Variants in SFMBT1 observed in about 807,000 individuals in gnomAD.
The protein encoded by SFMBT1 is scm-like with four MBT domains protein 1.
In SFMBT1, 32 loss-of-function variants were observed where a neutral mutation model predicts 108.7. The observed-to-expected ratio is 0.29, with a 90% CI of 0.22 to 0.40. The LOEUF (loss-of-function observed/expected upper bound fraction) is 0.40, where lower values mean the gene tolerates loss of function less well. Among genes scored for constraint, SFMBT1 ranks in the 10% least tolerant of loss-of-function variants. The pLI, the probability that SFMBT1 is intolerant of heterozygous loss-of-function variation, is 1.00. For missense variants in SFMBT1, 816 were observed against 1,059.6 expected, an observed-to-expected ratio of 0.77 and a Z score of 3.19; for synonymous variants, 348 against 369.5, an observed-to-expected ratio of 0.94 and a Z score of 0.67.
chr3:52,918,295 C>T (rs1028150805), intron 13 of SFMBT1, among the ~76,000 whole-genome samples, 189 bp downstream of exon 13: 9 of 152,286 alleles, frequency 5.9e-5, no homozygotes, highest in African/African-American at 2.2e-4. Context: ...CTTGAGAATG[C>T]ATTTTACCCT....
intron 3 of SFMBT1, among the ~76,000 whole-genome samples, chr3:52,948,626 C>CAAT (rs1225344688): frequency 1.4e-5 from 2 of 147,600 alleles, no homozygotes; most frequent in African/African-American, 2.5e-5. Context: ...AGTTGCCTTA[C>CAAT]AATTATTATT....
chr3:52,945,437 A>G (rs1032042996), intron 3 of SFMBT1, among the ~76,000 whole-genome samples: 4 of 152,018 alleles, frequency 2.6e-5, no homozygotes, highest in Non-Finnish European at 4.4e-5. Flanking sequence ...TCTTCCTTAG[A>G]GTAGAAAACC....
rs13064156 is a variant in SFMBT1 at position 52,960,637 on chromosome 3, C to A, written c.29-6226G>T. 4.4e-3 allele frequency among the ~76,000 whole-genome samples: 411 copies of A among 92,552 alleles called. 1 individual carries two copies. The highest frequency in any genetic ancestry group is 0.012 in the African/African-American group (314 of 26,384). The allele number at this position is 92,552 out of a possible 152,430, so 60.7% of individuals were successfully genotyped here. ...ATATGATCTATCTATCTATCTATCT[C>A]TCTATCTATCTATGCATGTCTGTGT... On this transcript the variant is annotated intron_variant, in intron 2 of 20. Coordinates refer to ENST00000394752, the MANE Select transcript of SFMBT1 (RefSeq NM_016329.4).
intron 1 of SFMBT1, among the ~76,000 whole-genome samples, chr3:53,025,917 A>G (rs984790225): frequency 4.6e-5 from 7 of 152,218 alleles, no homozygotes; most frequent in Admixed American, 4.6e-4. Context: ...CGGGAGCTTT[A>G]TAACAATTAT....
chr3:52,962,158 C>T (rs148477195), intron 2 of SFMBT1, among the ~76,000 whole-genome samples: 338 of 152,320 alleles, frequency 2.2e-3, no homozygotes, highest in African/African-American at 7.6e-3. Context: ...ATGACACAAC[C>T]TCTGTGGAAG....
At position 52,980,590 on chromosome 3, in the gene SFMBT1, T is replaced by C. The variant is rs945108971; in HGVS notation, c.-130-11332A>G. The stretch of plus-strand genomic sequence containing the variant: ...TGGATTGCTTGATATGTACAATAGA[T>C]TGAGGTCTACAGCTGCAGCTGCCTC... On this transcript the variant is annotated intron_variant, in intron 1 of 20. Transcript: ENST00000394752. Among the ~76,000 whole-genome samples the C allele has an allele frequency of 2.6e-5, 4 of 151,514 alleles. No individual in the cohort carries two copies. In the South Asian group the frequency reaches 8.3e-4, roughly 32 times the overall value.
At chr3:52,960,941 G>A (rs1343292239) in intron 2 of SFMBT1, among the ~76,000 whole-genome samples, 1 of 152,200 alleles carries the variant, frequency 6.6e-6, no homozygotes, top group Non-Finnish European at 1.5e-5. Flanking sequence ...TTTGAGACCA[G>A]CCTGAGCAAC....
Position 52,963,871 on chromosome 3 carries a change from T to C in SFMBT1, c.28+5230A>G, listed in dbSNP as rs541867121. 5.3e-5 allele frequency among the ~76,000 whole-genome samples: 8 copies of C among 152,360 alleles called. No individual in the cohort carries two copies. The East Asian group carries it at 1.3e-3, about 26-fold the overall frequency. Reference sequence around the variant, plus strand: ...GTTGATATCTAAAATGTTGGTATTATTATTTTAAAATAATTAGAGGACTTC... The same window carrying C: ...GTTGATATCTAAAATGTTGGTATTACTATTTTAAAATAATTAGAGGACTTC... On this transcript the variant is annotated intron_variant, in intron 2 of 20. Transcript: ENST00000394752.
At chr3:53,006,074 T>C (rs912752175) in intron 1 of SFMBT1, among the ~76,000 whole-genome samples, 4 of 152,084 alleles carry the variant, frequency 2.6e-5, no homozygotes, top group African/African-American at 9.7e-5. Flanking sequence ...CCTGAAGAAG[T>C]TGATTAGCCC....
chr3:52,947,715 A>G (rs541193850), intron 3 of SFMBT1, among the ~76,000 whole-genome samples: 1 of 151,624 alleles, frequency 6.6e-6, no homozygotes, highest in East Asian at 1.9e-4. Flanking sequence ...TTAAAAAGGT[A>G]GTGATTTTCT....
chr3:52,947,249 C>G (rs759639577), intron 3 of SFMBT1, among the ~76,000 whole-genome samples: 7 of 151,972 alleles, frequency 4.6e-5, no homozygotes, highest in Non-Finnish European at 1.0e-4. Flanking sequence ...TCCCAAATAG[C>G]TGGGACTACA....
At chr3:52,963,780 C>G (rs1704042841) in intron 2 of SFMBT1, among the ~76,000 whole-genome samples, 1 of 152,134 alleles carries the variant, frequency 6.6e-6, no homozygotes, top group Non-Finnish European at 1.5e-5. Context: ...AATACTCTGA[C>G]TATAAACACC....
At chr3:53,024,396 G>T (rs530101780) in intron 1 of SFMBT1, among the ~76,000 whole-genome samples, 1 of 152,346 alleles carries the variant, frequency 6.6e-6, no homozygotes, top group South Asian at 2.1e-4. Context: ...TAAGGAGGAA[G>T]TCTCCTTGGC....
intron 1 of SFMBT1, among the ~76,000 whole-genome samples, chr3:53,006,496 G>A (rs1698746606): frequency 6.6e-6 from 1 of 152,058 alleles, no homozygotes; most frequent in Non-Finnish European, 1.5e-5. Context: ...GGGCGTGTTG[G>A]CACGTGCCTG....
At chr3:53,005,734 G>A (rs1374970463) in intron 1 of SFMBT1, among the ~76,000 whole-genome samples, 1 of 152,192 alleles carries the variant, frequency 6.6e-6, no homozygotes, top group African/African-American at 2.4e-5. Flanking sequence ...CAATTTGGCT[G>A]GGGTACTTTT....
intron 2 of SFMBT1, among the ~76,000 whole-genome samples, chr3:52,964,534 T>A (rs888997286): frequency 6.6e-6 from 1 of 152,180 alleles, no homozygotes; most frequent in African/African-American, 2.4e-5. Flanking sequence ...AAAATAATTT[T>A]AAATGTGTAT....
At chr3:53,023,129 C>T (rs533923024) in intron 1 of SFMBT1, among the ~76,000 whole-genome samples, 1 of 152,246 alleles carries the variant, frequency 6.6e-6, no homozygotes, top group East Asian at 1.9e-4. Flanking sequence ...GCAACCCGAC[C>T]TTTAAATGAC....
At chr3:53,015,800 T>C (rs1226753187) in intron 1 of SFMBT1, among the ~76,000 whole-genome samples, 2 of 152,192 alleles carry the variant, frequency 1.3e-5, no homozygotes, top group South Asian at 4.1e-4. Flanking sequence ...GCATAACTGC[T>C]AATGGGTACA....
At chr3:53,009,519 G>A (rs939616809) in intron 1 of SFMBT1, among the ~76,000 whole-genome samples, 1 of 152,120 alleles carries the variant, frequency 6.6e-6, no homozygotes, top group African/African-American at 2.4e-5. Flanking sequence ...TACAAGGGTG[G>A]GAGGAAATCT....
Sources: gnomAD v4.1 joint callset for allele counts (sites outside exome capture counted in the v4.1 genomes callset) on GRCh38, gnomAD v4.1.1 for gene constraint, MANE v1.5 for transcripts, NCBI Gene and HGNC (gene_info 2026-07-23, HGNC 2026-07-21) for gene names.